The following KIAA1328 variants were observed in gnomAD, a reference collection of about 807,000 sequenced individuals.
The protein encoded by KIAA1328 is protein hinderin.
KIAA1328 carries 52 observed loss-of-function variants against 68.1 expected under a neutral mutation model. The ratio of observed to expected loss-of-function variants is 0.76; its 90% CI spans 0.61 to 0.96. KIAA1328 has a LOEUF of 0.96. KIAA1328 is among the 40% of genes least tolerant of loss of function. The pLI is 0.00. For synonymous variants in KIAA1328, 232 were observed against 239.4 expected, an observed-to-expected ratio of 0.97 and a Z score of 0.28; for missense variants, 641 against 677.6, an observed-to-expected ratio of 0.95 and a Z score of 0.60.
intron 6 of KIAA1328, among the ~76,000 whole-genome samples, chr18:36,970,741 A>G (rs1224413277): frequency 6.6e-6 from 1 of 152,182 alleles, no homozygotes; most frequent in Non-Finnish European, 1.5e-5. Flanking sequence ...TCCAACTTAC[A>G]AGGGATGTGA....
intron 7 of KIAA1328, among the ~76,000 whole-genome samples, chr18:37,102,762 C>T (rs2057660702): frequency 6.6e-6 from 1 of 152,038 alleles, no homozygotes. Flanking sequence ...GAAAATGTAT[C>T]CAAATTAGAA....
chr18:37,079,547 C>T (rs987983483), intron 7 of KIAA1328, among the ~76,000 whole-genome samples: 6 of 151,390 alleles, frequency 4.0e-5, no homozygotes, highest in African/African-American at 7.3e-5. Context: ...TGTCTCAGAA[C>T]TGTAAGTCCC....
At chr18:37,099,344 T>C (rs528769735) in intron 7 of KIAA1328, among the ~76,000 whole-genome samples, 1 of 152,368 alleles carries the variant, frequency 6.6e-6, no homozygotes, top group African/African-American at 2.4e-5. Flanking sequence ...CCAGTAGTCA[T>C]TCAGGAGCAG....
At chr18:37,156,815 T>A (rs2059162685) in intron 7 of KIAA1328, among the ~76,000 whole-genome samples, 1 of 152,194 alleles carries the variant, frequency 6.6e-6, no homozygotes, top group Non-Finnish European at 1.5e-5. Context: ...GCTTTACAGC[T>A]TTTCATCAGA....
At chr18:37,217,425 G>A (rs323488) in intron 9 of KIAA1328, among the ~76,000 whole-genome samples, 14,607 of 152,192 alleles carry the variant, frequency 0.096, 2,358 homozygotes, top group African/African-American at 0.33. Flanking sequence ...CTTTACTAAT[G>A]AAGCTTAGTT....
chr18:36,850,835 T>G (rs1490721639), intron 4 of KIAA1328, among the ~76,000 whole-genome samples: 2 of 152,200 alleles, frequency 1.3e-5, no homozygotes, highest in Non-Finnish European at 1.5e-5. Flanking sequence ...GTGCTCTGCC[T>G]AGAATTTCTA....
At chr18:36,862,206 A>C (rs1028384992) in intron 4 of KIAA1328, among the ~76,000 whole-genome samples, 6 of 152,172 alleles carry the variant, frequency 3.9e-5, no homozygotes, top group Non-Finnish European at 8.8e-5. Context: ...TTGTGTACAG[A>C]TTTCGCCAAT....
In KIAA1328 at chr18:37,223,232, C is replaced by T. The variant is rs2060596191; in HGVS notation, c.*1005C>T. 4.1e-6 allele frequency: 4 copies of T among 985,270 alleles called. No individual in the cohort carries two copies. The highest frequency in any genetic ancestry group is 4.7e-5 in the South Asian group (1 of 21,280). 61.0% of individuals were successfully genotyped at this position (985,270 alleles called of 1,614,324 possible). ...GACCAGGCCTCACAGGTGCTCTGCT[C>T]GTGGCCCCAAAGAACCATCTCTACT... On this transcript the variant is annotated 3_prime_UTR_variant, in exon 10 of 10. Coordinates refer to ENST00000280020, the MANE Select transcript of KIAA1328 (RefSeq NM_020776.3).
At chr18:37,034,022 G>T (rs566426155) in intron 6 of KIAA1328, among the ~76,000 whole-genome samples, 1 of 152,164 alleles carries the variant, frequency 6.6e-6, no homozygotes, top group East Asian at 1.9e-4. Context: ...TTTCTCCTGG[G>T]TAGATAAGTG....
chr18:37,010,936 G>T (rs1290954927), intron 6 of KIAA1328, among the ~76,000 whole-genome samples: 1 of 152,136 alleles, frequency 6.6e-6, no homozygotes, highest in African/African-American at 2.4e-5. Flanking sequence ...ATTGCTTCAT[G>T]CTCTCAAGAA....
intron 7 of KIAA1328, among the ~76,000 whole-genome samples, chr18:37,142,954 T>G (rs944558031): frequency 6.6e-5 from 10 of 150,430 alleles, no homozygotes; most frequent in Admixed American, 6.6e-5. Context: ...TTTTTTTTTT[T>G]GTTTTTTTTT....
intron 8 of KIAA1328, among the ~76,000 whole-genome samples, chr18:37,172,179 C>T (rs1453189614): frequency 6.6e-6 from 1 of 152,060 alleles, no homozygotes; most frequent in Non-Finnish European, 1.5e-5. Context: ...TGGATCTTCC[C>T]AAATAACTTC....
intron 5 of KIAA1328, among the ~76,000 whole-genome samples, chr18:36,916,866 A>G (rs533656904): frequency 6.0e-5 from 9 of 150,946 alleles, no homozygotes; most frequent in African/African-American, 2.2e-4. Flanking sequence ...CTCCCACCTC[A>G]ACCTCTCAAG....
At chr18:37,182,734 G>A (rs1371901104) in intron 9 of KIAA1328, among the ~76,000 whole-genome samples, 1 of 152,086 alleles carries the variant, frequency 6.6e-6, no homozygotes, top group African/African-American at 2.4e-5. Flanking sequence ...AAATATGCCT[G>A]TTACTTTACC....
At chr18:37,006,073 A>G (rs1380920797) in intron 6 of KIAA1328, among the ~76,000 whole-genome samples, 1 of 152,094 alleles carries the variant, frequency 6.6e-6, no homozygotes, top group African/African-American at 2.4e-5. Flanking sequence ...AATGTATTGT[A>G]ATCAGGTGAC....
At chr18:36,951,040 C>T (rs1422336503) in intron 5 of KIAA1328, among the ~76,000 whole-genome samples, 1 of 152,210 alleles carries the variant, frequency 6.6e-6, no homozygotes, top group Non-Finnish European at 1.5e-5. Context: ...ACACAGTCGA[C>T]TTCATCTTTT....
At chr18:37,094,972 A>G (rs1334903485) in intron 7 of KIAA1328, among the ~76,000 whole-genome samples, 1 of 152,094 alleles carries the variant, frequency 6.6e-6, no homozygotes, top group Non-Finnish European at 1.5e-5. Context: ...AAAACATCAA[A>G]AGAGAAAAAC....
intron 7 of KIAA1328, among the ~76,000 whole-genome samples, chr18:37,125,191 A>C (rs2058362150): frequency 6.6e-6 from 1 of 152,002 alleles, no homozygotes; most frequent in Non-Finnish European, 1.5e-5. Flanking sequence ...ATGGTGGTGC[A>C]TGCCTGTAGT....
intron 8 of KIAA1328, among the ~76,000 whole-genome samples, chr18:37,167,247 C>T (rs1053689440): frequency 2.6e-5 from 4 of 152,108 alleles, no homozygotes; most frequent in South Asian, 2.1e-4. Context: ...CATTTGCTGC[C>T]GTGTGCCCTT....
Sources: allele counts gnomAD v4.1 joint callset (sites outside exome capture counted in the v4.1 genomes callset), GRCh38; gene constraint gnomAD v4.1.1; transcripts MANE v1.5; gene names NCBI Gene and HGNC (gene_info 2026-07-23, HGNC 2026-07-21).